PIK3C3: variants seen among roughly 807,000 people sequenced by gnomAD.
PIK3C3 encodes the protein PI3-kinase type 3.
PIK3C3 carries 95 observed loss-of-function variants against 126.1 expected under a neutral mutation model. That is an observed-to-expected ratio of 0.75 (90% CI 0.64 to 0.89). PIK3C3 has a LOEUF of 0.89. Ranked by LOEUF, PIK3C3 falls within the 40% of genes least tolerant of loss-of-function variation. The probability of loss-of-function intolerance (pLI) is 0.00; values close to 1 mark genes in which losing one functional copy is unlikely to be tolerated. For synonymous variants in PIK3C3, 374 were observed against 360.0 expected (o/e 1.04, Z -0.44); for missense variants, 829 against 1,063.2 (o/e 0.78, Z 3.06).
chr18:42,073,252 A>C (rs772014582), intron 24 of PIK3C3, among the ~76,000 whole-genome samples: 1 of 152,198 alleles, frequency 6.6e-6, no homozygotes, highest in Non-Finnish European at 1.5e-5. Flanking sequence ...CAAGGAGGAA[A>C]AGCACACGTC....
chr18:42,065,160 A>C (rs7505731), intron 23 of PIK3C3, among the ~76,000 whole-genome samples: 1 of 152,218 alleles, frequency 6.6e-6, no homozygotes, highest in Non-Finnish European at 1.5e-5. Flanking sequence ...AACAGAATTC[A>C]TAGTCTCTCT....
chr18:41,987,624 T>A (rs560210763), intron 4 of PIK3C3, among the ~76,000 whole-genome samples, 188 bp from the exon 5 acceptor site: 3 of 152,134 alleles, frequency 2.0e-5, no homozygotes, highest in South Asian at 2.1e-4. Flanking sequence ...TTAAAAAAAA[T>A]TTAATTGTTT....
intron 10 of PIK3C3, among the ~76,000 whole-genome samples, chr18:42,006,387 G>A (rs975138650): frequency 6.6e-6 from 1 of 150,974 alleles, no homozygotes; most frequent in South Asian, 2.1e-4. Flanking sequence ...TTGTGGAAGC[G>A]CCATTACATT....
intron 4 of PIK3C3, among the ~76,000 whole-genome samples, chr18:41,971,846 G>A (rs928153240): frequency 6.6e-6 from 1 of 152,010 alleles, no homozygotes; most frequent in South Asian, 2.1e-4. Context: ...TTCTAAGTCT[G>A]AGGGGGAATG....
intron 22 of PIK3C3, among the ~76,000 whole-genome samples, chr18:42,059,338 C>A (rs147888318): frequency 6.6e-6 from 1 of 152,208 alleles, no homozygotes; most frequent in Non-Finnish European, 1.5e-5. Context: ...AAAATCAGTG[C>A]TCTTTAGATT....
In PIK3C3 at chr18:41,999,062, A is replaced by AC. The variant is rs1436124630; in HGVS notation, c.984+2337dup. On this transcript the variant is annotated intron_variant, in intron 9 of 24. Transcript: ENST00000262039. Reference sequence around the variant, plus strand: ...TTTTTTAATTAAATTTTGTCTTTCTACCCCCTTTTTTTTTCCTTAATGACC... The same window carrying AC: ...TTTTTTAATTAAATTTTGTCTTTCTACCCCCCTTTTTTTTTCCTTAATGACC... Among the ~76,000 whole-genome samples the AC allele has an allele frequency of 6.6e-5, 10 of 151,848 alleles. No individual in the cohort carries two copies. The East Asian group carries it at 1.9e-3, about 29-fold the overall frequency.
chr18:42,009,230 A>C (rs1437960063), intron 10 of PIK3C3, among the ~76,000 whole-genome samples: 1 of 152,198 alleles, frequency 6.6e-6, no homozygotes, highest in Non-Finnish European at 1.5e-5. Context: ...AAACAACACT[A>C]TAGAGAGACT....
chr18:42,028,666 T>G (rs780176463), intron 14 of PIK3C3, among the ~76,000 whole-genome samples: 7 of 152,218 alleles, frequency 4.6e-5, no homozygotes, highest in Non-Finnish European at 1.0e-4. Flanking sequence ...TGTTACAGCC[T>G]TTGTCACCCT....
Position 42,040,720 on chromosome 18 carries a change from T to C in PIK3C3, c.2082T>C (p.Leu694=). The C allele has an allele frequency of 6.2e-7, 1 of 1,609,104 alleles. No individual in the cohort carries two copies. Among genetic ancestry groups the C allele is most frequent in the Non-Finnish European group, 8.5e-7 (1 of 1,175,824 alleles). Residue 694 remains leucine, a synonymous_variant, in exon 19 of 25, where the codon CTT becomes CTC. Transcript: ENST00000262039. ...FIQSVPVAEV[L]DTEGSIQNFF... ...AGTCAGTTCCTGTGGCTGAAGTTCT[T>C]GATACAGAGGGAAGCATTCAGGTAT...
chr18:42,037,602 A>G, intron 16 of PIK3C3, 90 bp from the exon 17 acceptor site: 1 of 1,172,706 alleles, frequency 8.5e-7, no homozygotes, highest in South Asian at 1.6e-5. Flanking sequence ...CTGTGTATTT[A>G]TCTTATATAT....
chr18:42,020,540 A>G lies in PIK3C3; in HGVS notation c.1417-98A>G, dbSNP rs936521744. 11 of 705,788 alleles carry G rather than the reference A, an allele frequency of 1.6e-5. No homozygotes were observed. The African/African-American group carries it at 1.8e-4, about 12-fold the overall frequency. 43.7% of individuals were successfully genotyped at this position (705,788 alleles called of 1,614,324 possible). A position where few individuals can be genotyped will look rare whatever the true frequency, so the allele number is the denominator to read the frequency against. ...CAGAAAATCTGATCTATTACATAAG[A>G]TATACAGATGAAAACTGATAGGCAA... On this transcript the variant is annotated intron_variant, in intron 12 of 24. Coordinates refer to ENST00000262039, the MANE Select transcript of PIK3C3 (RefSeq NM_002647.4).
chr18:42,067,623 A>G lies in PIK3C3; in HGVS notation c.2649+110A>G, dbSNP rs574858623. On this transcript the variant is annotated intron_variant, in intron 24 of 24. Transcript: ENST00000262039. ...CAGTTGACATCTTTTCTGTTTTTCTATCAAGTCGTTTTGACATCTCACCAG... is the reference window on the plus strand; with the variant it reads ...CAGTTGACATCTTTTCTGTTTTTCTGTCAAGTCGTTTTGACATCTCACCAG... 2.3e-5 allele frequency: 29 copies of G among 1,255,098 alleles called. No homozygotes were observed. The East Asian group carries it at 2.4e-4, about 10-fold the overall frequency. The allele number at this position is 1,255,098 out of a possible 1,614,324, so 77.7% of individuals were successfully genotyped here. A position where few individuals can be genotyped will look rare whatever the true frequency, so the allele number is the denominator to read the frequency against.
chr18:41,959,924 G>A (rs868255330), intron 2 of PIK3C3, among the ~76,000 whole-genome samples: 1 of 150,696 alleles, frequency 6.6e-6, no homozygotes, highest in Middle Eastern at 3.4e-3. Context: ...TAAAGTGAGT[G>A]GAGGTAAAAA....
At chr18:42,030,576 A>G (rs1393002637) in intron 15 of PIK3C3, among the ~76,000 whole-genome samples, 1 of 152,250 alleles carries the variant, frequency 6.6e-6, no homozygotes, top group African/African-American at 2.4e-5. Context: ...AGCCATGCAG[A>G]AGAAGTAATG....
chr18:41,999,351 TAATTTA>T (rs1052126887), intron 9 of PIK3C3, among the ~76,000 whole-genome samples: 2 of 152,210 alleles, frequency 1.3e-5, no homozygotes, highest in Non-Finnish European at 2.9e-5. Flanking sequence ...ATAAAAATAC[TAATTTA>T]AATTAACTCC....
chr18:42,029,306 C>G lies in PIK3C3; in HGVS notation c.1591-19C>G, dbSNP rs763505512. On this transcript the variant is annotated intron_variant, in intron 14 of 24. Transcript: ENST00000262039. ...TTACGCAACATAGAACTAATTTTTT[C>G]TCACTTTGAACCCTTCAGGGTGATA... is the stretch of plus-strand genomic sequence containing the variant. 6.6e-7 allele frequency: 1 copy of G among 1,522,072 alleles called. No individual in the cohort carries two copies. The highest frequency in any genetic ancestry group is 1.7e-4 in the Middle Eastern group (1 of 5,900). The allele number at this position is 1,522,072 out of a possible 1,614,324, so 94.3% of individuals were successfully genotyped here. A position where few individuals can be genotyped will look rare whatever the true frequency, so the allele number is the denominator to read the frequency against.
At chr18:42,054,180 ATATATATATAT>A (rs1984952585) in intron 21 of PIK3C3, among the ~76,000 whole-genome samples, 1 of 78,866 alleles carries the variant, frequency 1.3e-5, no homozygotes, top group Admixed American at 1.3e-4. Flanking sequence ...ATATATATAT[ATATATATATAT>A]AAAGGGGAAT....
intron 24 of PIK3C3, among the ~76,000 whole-genome samples, chr18:42,079,946 AGTGTGTGT>A (rs6146278): frequency 0.074 from 10,126 of 137,068 alleles, 675 homozygotes; most frequent in East Asian, 0.25. Context: ...CCAACTTTTG[AGTGTGTGT>A]GTGTGTGTGT....
At chr18:41,974,781 TA>T (rs1207236797) in intron 4 of PIK3C3, among the ~76,000 whole-genome samples, 1 of 152,192 alleles carries the variant, frequency 6.6e-6, no homozygotes, top group Admixed American at 6.5e-5. Context: ...CTTGTCATAT[TA>T]TAAGAGTTTT....
Sources: gnomAD v4.1 joint callset for allele counts (sites outside exome capture counted in the v4.1 genomes callset) on GRCh38, gnomAD v4.1.1 for gene constraint, MANE v1.5 for transcripts, NCBI Gene and HGNC (gene_info 2026-07-23, HGNC 2026-07-21) for gene names.